Variants in FBXL4 observed in about 807,000 individuals in gnomAD.
FBXL4 encodes the protein F-box and leucine rich repeat protein 4, also known as F-box/LRR-repeat protein 4.
FBXL4 carries 40 observed loss-of-function variants against 58.9 expected under a neutral mutation model. The ratio of observed to expected loss-of-function variants is 0.68; its 90% CI spans 0.53 to 0.88. The LOEUF is 0.88. Ranked by LOEUF, FBXL4 falls within the 40% of genes least tolerant of loss-of-function variation. The pLI is 0.00. For missense variants in FBXL4, 676 were observed against 734.4 expected (o/e 0.92, Z 0.92); for synonymous variants, 263 against 265.5 (o/e 0.99, Z 0.09).
intron 2 of FBXL4, among the ~76,000 whole-genome samples, 187 bp downstream of exon 2, chr6:98,934,575 T>C (rs1773136093): frequency 6.6e-6 from 1 of 152,220 alleles, no homozygotes; most frequent in Non-Finnish European, 1.5e-5. Context: ...TTGTACTAGA[T>C]CTTAAAAAAC....
In FBXL4 at chr6:98,923,708, G is replaced by T. The variant is rs558276963; in HGVS notation, c.512+2769C>A. ...GCTCAAAAAAGAGCCATCTCTGTCT[G>T]ACTCTCTACTTGGTTCCTAGCAGTG... On this transcript the variant is annotated intron_variant, in intron 4 of 9. Coordinates refer to ENST00000369244, the MANE Select transcript of FBXL4 (RefSeq NM_001278716.2). Among the ~76,000 whole-genome samples, 7 of 152,282 alleles carry T rather than the reference G, an allele frequency of 4.6e-5. No homozygotes were observed. In the South Asian group the frequency reaches 1.5e-3, roughly 32 times the overall value.
chr6:98,904,066 T>C (rs558691871), intron 6 of FBXL4, among the ~76,000 whole-genome samples: 1 of 152,174 alleles, frequency 6.6e-6, no homozygotes, highest in Non-Finnish European at 1.5e-5. Flanking sequence ...ATGGTCTACA[T>C]AATGTAAAAT....
At position 98,936,126 on chromosome 6, in the gene FBXL4, T is replaced by C. The variant is rs1386254974; in HGVS notation, c.-308-1247A>G. On this transcript the variant is annotated intron_variant, in intron 1 of 9. Coordinates refer to ENST00000369244, the MANE Select transcript of FBXL4 (RefSeq NM_001278716.2). Reference sequence around the variant, plus strand: ...ACAATACACCTGTCATAGCTTGCCATTATAGCTAAAATAGCAACTAATTAA... The same window carrying C: ...ACAATACACCTGTCATAGCTTGCCACTATAGCTAAAATAGCAACTAATTAA... Among the ~76,000 whole-genome samples, 4 of 152,200 alleles carry C rather than the reference T, an allele frequency of 2.6e-5. No individual in the cohort carries two copies. In the East Asian group the frequency reaches 7.7e-4, roughly 29 times the overall value.
intron 9 of FBXL4, 35 bp downstream of exon 9, chr6:98,875,380 G>A (rs267601173): frequency 6.3e-7 from 1 of 1,599,638 alleles, no homozygotes; most frequent in Non-Finnish European, 8.6e-7. Flanking sequence ...CAAGGAAACA[G>A]ACATTTAAAA....
chr6:98,925,222 T>C (rs1049865779), intron 4 of FBXL4, among the ~76,000 whole-genome samples: 3 of 152,206 alleles, frequency 2.0e-5, no homozygotes, highest in African/African-American at 7.2e-5. Flanking sequence ...ACCTATTAAA[T>C]TGCAAAAATA....
rs769623309 is a variant in FBXL4 at position 98,880,553 on chromosome 6, C to G, written c.1389G>C (p.Met463Ile). Residue 463 changes from methionine (M) to isoleucine (I), a missense_variant and splice_region_variant, in exon 8 of 10, where the codon ATG becomes ATC. Coordinates refer to ENST00000369244, the MANE Select transcript of FBXL4 (RefSeq NM_001278716.2). ...LQHLSLGSCV[M>I]IEDYDVIASM... is the part of the protein sequence containing the mutation. The stretch of plus-strand genomic sequence containing the variant: ...GTATAAAGAATTCTCAAACACTTAC[C>G]ATGACACAACTGCCTAAACTGAGGT... 1 of 1,613,396 alleles carries G rather than the reference C, an allele frequency of 6.2e-7. No individual in the cohort carries two copies. The highest frequency in any genetic ancestry group is 8.5e-7 in the Non-Finnish European group (1 of 1,179,504).
chr6:98,946,981 A>T (rs1220588049), intron 1 of FBXL4, among the ~76,000 whole-genome samples: 1 of 152,210 alleles, frequency 6.6e-6, no homozygotes, highest in African/African-American at 2.4e-5. Flanking sequence ...TGCACGCAAG[A>T]ACCAGAAAAG....
At chr6:98,944,185 C>T (rs866685416) in intron 1 of FBXL4, among the ~76,000 whole-genome samples, 2 of 152,224 alleles carry the variant, frequency 1.3e-5, no homozygotes, top group African/African-American at 2.4e-5. Context: ...TAATAATCTT[C>T]CGGTGGAAAC....
At chr6:98,915,687 A>T (rs1175718429) in intron 5 of FBXL4, among the ~76,000 whole-genome samples, 2 of 152,208 alleles carry the variant, frequency 1.3e-5, no homozygotes, top group Admixed American at 1.3e-4. Flanking sequence ...GATTAAAGAC[A>T]TAAACGTTAG....
intron 8 of FBXL4, 109 bp downstream of exon 8, chr6:98,880,443 CT>C: frequency 1.2e-6 from 1 of 816,648 alleles, no homozygotes; most frequent in Non-Finnish European, 2.0e-6. Flanking sequence ...AACCATAAAT[CT>C]GAAAAACTGT....
At chr6:98,927,083 G>T in intron 3 of FBXL4, 23 bp from the exon 4 acceptor site, 2 of 1,235,360 alleles carry the variant, frequency 1.6e-6, no homozygotes, top group Non-Finnish European at 2.3e-6. Flanking sequence ...ATGGCTTGGT[G>T]AAGTAAAATA....
At chr6:98,942,620 C>G (rs1582464008) in intron 1 of FBXL4, among the ~76,000 whole-genome samples, 1 of 152,066 alleles carries the variant, frequency 6.6e-6, no homozygotes, top group African/African-American at 2.4e-5. Flanking sequence ...CCTGAGGCCT[C>G]GCAGAAGCCT....
At chr6:98,897,922 A>G (rs1771463344) in intron 7 of FBXL4, among the ~76,000 whole-genome samples, 1 of 152,214 alleles carries the variant, frequency 6.6e-6, no homozygotes, top group Admixed American at 6.5e-5. Flanking sequence ...TGAATGGCCA[A>G]TCTTTACCAA....
chr6:98,870,326 T>C lies in FBXL4; in HGVS notation c.*3952A>G, dbSNP rs1770458749. The C allele has an allele frequency of 6.6e-6, 1 of 152,242 alleles. No individual in the cohort carries two copies. Among genetic ancestry groups the C allele is most frequent in the African/African-American group, 2.4e-5 (1 of 41,462 alleles). The allele number at this position is 152,242 out of a possible 1,614,324, so 9.4% of individuals were successfully genotyped here. A position where few individuals can be genotyped will look rare whatever the true frequency, so the allele number is the denominator to read the frequency against. ...AGCTCATAAGAACAGTTTCACATTT[T>C]CTAATGGCTGAAAAAATCTAATGGC... On this transcript the variant is annotated 3_prime_UTR_variant, in exon 10 of 10. Transcript: ENST00000369244.
intron 2 of FBXL4, among the ~76,000 whole-genome samples, chr6:98,928,297 G>C (rs1772869457): frequency 6.6e-6 from 1 of 151,164 alleles, no homozygotes; most frequent in African/African-American, 2.4e-5. Flanking sequence ...AAAGTCTTGA[G>C]TTTAACTTCT....
At position 98,926,683 on chromosome 6, in the gene FBXL4, T is replaced by C. The variant is rs1423519904; in HGVS notation, c.306A>G (p.Thr102=). ...AAGCACTAGGACACTGATCCCACCA[T>C]GTCCCATAAGTTCGAAACACAGCTG... ...TQTAVFRTYG[T]WWDQCPSASL... is the part of the protein sequence containing the mutation. Residue 102 remains threonine, a synonymous_variant, in exon 4 of 10, where the codon ACA becomes ACG. Transcript: ENST00000369244. The C allele has an allele frequency of 3.7e-6, 6 of 1,614,208 alleles. No homozygotes were observed. The highest frequency in any genetic ancestry group is 1.3e-5 in the African/African-American group (1 of 75,052).
chr6:98,890,222 AC>A (rs1337867633), intron 7 of FBXL4, among the ~76,000 whole-genome samples: 1 of 152,160 alleles, frequency 6.6e-6, no homozygotes, highest in Non-Finnish European at 1.5e-5. Flanking sequence ...TCAATATAGG[AC>A]AGTAGGATTC....
At position 98,872,369 on chromosome 6, in the gene FBXL4, A is replaced by C. The variant is rs1582353972; in HGVS notation, c.*1909T>G. On this transcript the variant is annotated 3_prime_UTR_variant, in exon 10 of 10. Transcript: ENST00000369244. ...AATCATATTCTCATGGATTAATGTA[A>C]GTATTTGACAATACCTATCTGCAAG... 1 of 152,298 alleles carries C rather than the reference A, an allele frequency of 6.6e-6. No individual in the cohort carries two copies. The highest frequency in any genetic ancestry group is 1.9e-4 in the East Asian group (1 of 5,182). 9.4% of individuals were successfully genotyped at this position (152,298 alleles called of 1,614,324 possible).
At chr6:98,915,982 C>T (rs1223628952) in intron 5 of FBXL4, among the ~76,000 whole-genome samples, 1 of 152,154 alleles carries the variant, frequency 6.6e-6, no homozygotes, top group Non-Finnish European at 1.5e-5. Flanking sequence ...AAGAAAAAAA[C>T]AACCCCATCA....
Sources: allele counts gnomAD v4.1 joint callset (sites outside exome capture counted in the v4.1 genomes callset), GRCh38; gene constraint gnomAD v4.1.1; transcripts MANE v1.5; gene names NCBI Gene and HGNC (gene_info 2026-07-23, HGNC 2026-07-21).